The following CAMKMT variants were observed in gnomAD, a reference collection of about 807,000 sequenced individuals.
The protein encoded by CAMKMT is calmodulin-lysine N-methyltransferase, also known as CaM KMT.
CAMKMT carries 53 observed loss-of-function variants against 48.0 expected under a neutral mutation model. The observed-to-expected ratio is 1.10, with a 90% confidence interval of 0.89 to 1.39. CAMKMT has a LOEUF of 1.39. Among genes scored for constraint, CAMKMT ranks in the 40% most tolerant of loss-of-function variants. CAMKMT has a pLI of 0.00. For synonymous variants in CAMKMT, 165 were observed against 152.3 expected (o/e 1.08, Z -0.61); for missense variants, 428 against 402.7 (o/e 1.06, Z -0.54).
intron 3 of CAMKMT, among the ~76,000 whole-genome samples, chr2:44,635,248 C>T (rs1033909179): frequency 2.6e-5 from 4 of 152,048 alleles, no homozygotes; most frequent in African/African-American, 9.7e-5. Flanking sequence ...GACAAGGTAG[C>T]AGGAATGGCC....
intron 9 of CAMKMT, among the ~76,000 whole-genome samples, chr2:44,758,277 C>T (rs758026535): frequency 2.6e-5 from 4 of 152,056 alleles, no homozygotes; most frequent in Admixed American, 6.6e-5. Context: ...GGGGAGTTTC[C>T]CTGCCTTTCA....
At chr2:44,553,814 C>T (rs1447439910) in intron 3 of CAMKMT, among the ~76,000 whole-genome samples, 1 of 152,134 alleles carries the variant, frequency 6.6e-6, no homozygotes, top group Non-Finnish European at 1.5e-5. Flanking sequence ...TATAATTTTA[C>T]ACTAAAATAA....
At chr2:44,552,572 C>T (rs1244810964) in intron 3 of CAMKMT, among the ~76,000 whole-genome samples, 2 of 152,188 alleles carry the variant, frequency 1.3e-5, no homozygotes, top group Non-Finnish European at 2.9e-5. Context: ...GGCAACCACT[C>T]ACCTCCATAT....
chr2:44,454,576 G>A (rs767216651), intron 3 of CAMKMT, among the ~76,000 whole-genome samples: 5 of 152,086 alleles, frequency 3.3e-5, no homozygotes, highest in Admixed American at 6.5e-5. Flanking sequence ...TTAAAAGTTA[G>A]CTTTGCTTAG....
chr2:44,539,277 A>T (rs1032181577), intron 3 of CAMKMT, among the ~76,000 whole-genome samples: 1 of 114,398 alleles, frequency 8.7e-6, no homozygotes, highest in Non-Finnish European at 1.9e-5. Flanking sequence ...TGTACTCCAG[A>T]AGTCTCAAAA....
chr2:44,678,531 C>A (rs1393965296), intron 3 of CAMKMT, among the ~76,000 whole-genome samples: 1 of 152,216 alleles, frequency 6.6e-6, no homozygotes, highest in African/African-American at 2.4e-5. Context: ...TTCATTACTC[C>A]TGCCTCATTC....
chr2:44,611,000 G>A (rs1558742845), intron 3 of CAMKMT, among the ~76,000 whole-genome samples: 2 of 152,188 alleles, frequency 1.3e-5, no homozygotes, highest in South Asian at 2.1e-4. Flanking sequence ...GAAGTAGATA[G>A]AGAAGGGCTT....
At chr2:44,509,941 C>G (rs545273945) in intron 3 of CAMKMT, among the ~76,000 whole-genome samples, 3 of 152,252 alleles carry the variant, frequency 2.0e-5, no homozygotes, top group African/African-American at 7.2e-5. Flanking sequence ...CAGAATAAAC[C>G]TTTTTTCTTT....
At chr2:44,593,792 T>C (rs1445314872) in intron 3 of CAMKMT, among the ~76,000 whole-genome samples, 1 of 116,660 alleles carries the variant, frequency 8.6e-6, no homozygotes, top group African/African-American at 3.4e-5. Flanking sequence ...AGGCGGAATT[T>C]TGATCTTTTT....
intron 2 of CAMKMT, among the ~76,000 whole-genome samples, chr2:44,388,145 A>G (rs1307345920): frequency 1.3e-5 from 2 of 152,136 alleles, no homozygotes; most frequent in Non-Finnish European, 2.9e-5. Context: ...AACACCGATT[A>G]TTCTTCAGTT....
At chr2:44,601,065 A>T (rs1213748452) in intron 3 of CAMKMT, among the ~76,000 whole-genome samples, 2 of 152,122 alleles carry the variant, frequency 1.3e-5, no homozygotes, top group South Asian at 2.1e-4. Context: ...CTATATTTTG[A>T]TACTTTTTAG....
intron 3 of CAMKMT, among the ~76,000 whole-genome samples, chr2:44,555,079 AG>A (rs1426781517): frequency 6.6e-6 from 1 of 152,310 alleles, no homozygotes; most frequent in East Asian, 1.9e-4. Flanking sequence ...AAGGGTGGAA[AG>A]GGGGCAGCAG....
At chr2:44,382,590 T>C (rs1048540016) in intron 2 of CAMKMT, among the ~76,000 whole-genome samples, 7 of 152,016 alleles carry the variant, frequency 4.6e-5, no homozygotes, top group African/African-American at 1.7e-4. Flanking sequence ...GCCGATCTTC[T>C]GCCTCAGCTT....
At chr2:44,402,315 C>A (rs533017580) in intron 3 of CAMKMT, among the ~76,000 whole-genome samples, 2 of 41,222 alleles carry the variant, frequency 4.9e-5, no homozygotes, top group South Asian at 1.0e-3. Context: ...GGTGACACAG[C>A]AAGACTCTGT....
At chr2:44,543,917 G>A (rs2103623581) in intron 3 of CAMKMT, among the ~76,000 whole-genome samples, 1 of 152,272 alleles carries the variant, frequency 6.6e-6, no homozygotes, top group Non-Finnish European at 1.5e-5. Flanking sequence ...ACCTGGTCGA[G>A]TTAGCATTTA....
chr2:44,399,657 C>G (rs1682180696), intron 3 of CAMKMT, among the ~76,000 whole-genome samples: 1 of 151,620 alleles, frequency 6.6e-6, no homozygotes, highest in African/African-American at 2.4e-5. Flanking sequence ...AATTCTAACT[C>G]TTGTATCCAT....
chr2:44,599,716 A>G (rs955059850), intron 3 of CAMKMT, among the ~76,000 whole-genome samples: 43 of 151,718 alleles, frequency 2.8e-4, no homozygotes, highest in African/African-American at 1.0e-3. Flanking sequence ...ATTTTTAGCT[A>G]TTATTTTCTA....
At chr2:44,747,504 G>T (rs1679970804) in intron 8 of CAMKMT, among the ~76,000 whole-genome samples, 1 of 152,206 alleles carries the variant, frequency 6.6e-6, no homozygotes, top group Non-Finnish European at 1.5e-5. Context: ...TAAAGGGGTA[G>T]AGCCAAGTAA....
At chr2:44,608,255 G>C (rs1671407722) in intron 3 of CAMKMT, among the ~76,000 whole-genome samples, 1 of 151,806 alleles carries the variant, frequency 6.6e-6, no homozygotes, top group Non-Finnish European at 1.5e-5. Flanking sequence ...TGTATTTTTA[G>C]TAGAGACGGG....
Sources: gnomAD v4.1 joint callset for allele counts (sites outside exome capture counted in the v4.1 genomes callset) on GRCh38, gnomAD v4.1.1 for gene constraint, MANE v1.5 for transcripts, NCBI Gene and HGNC (gene_info 2026-07-23, HGNC 2026-07-21) for gene names.